FRMD4A: variants seen among roughly 807,000 people sequenced by gnomAD.
The protein encoded by FRMD4A is FERM domain containing 4A.
A neutral mutation model predicts 129.1 loss-of-function variants in FRMD4A; 29 were observed. That is an observed-to-expected ratio of 0.22 (90% CI 0.17 to 0.31). FRMD4A has a LOEUF of 0.31. Among genes scored for constraint, FRMD4A ranks in the 10% least tolerant of loss-of-function variants. The pLI is 1.00. For synonymous variants in FRMD4A, 634 were observed against 571.6 expected (o/e 1.11, Z -1.56); for missense variants, 1,272 against 1,375.8 (o/e 0.92, Z 1.19).
chr10:14,063,005 G>C (rs922868628), intron 2 of FRMD4A, among the ~76,000 whole-genome samples: 1 of 152,162 alleles, frequency 6.6e-6, no homozygotes, highest in African/African-American at 2.4e-5. Context: ...TATCGACGTT[G>C]AATGTTTCCT....
Position 13,820,461 on chromosome 10 carries a change from C to A in FRMD4A, c.112-9553G>T, listed in dbSNP as rs1292512708. ...TCCATGGTGAAGCAGGCCCCTTAAG[C>A]TTCTTCTTGTTAACCTATTCCCTTG... On this transcript the variant is annotated intron_variant, in intron 3 of 24. Transcript: ENST00000357447. Among the ~76,000 whole-genome samples the A allele has an allele frequency of 2.0e-5, 3 of 151,880 alleles. No homozygotes were observed. In the East Asian group the frequency reaches 5.8e-4, roughly 29 times the overall value.
chr10:14,080,269 C>G (rs906003389), intron 2 of FRMD4A, among the ~76,000 whole-genome samples: 1 of 152,154 alleles, frequency 6.6e-6, no homozygotes, highest in African/African-American at 2.4e-5. Context: ...TATTTCCAAA[C>G]AGCCCATTCC....
At chr10:13,982,854 C>G (rs991244849) in intron 2 of FRMD4A, among the ~76,000 whole-genome samples, 1 of 152,194 alleles carries the variant, frequency 6.6e-6, no homozygotes, top group Non-Finnish European at 1.5e-5. Context: ...TAATTTTCAG[C>G]GAACTTTCTG....
chr10:14,223,295 T>C (rs1471515534), intron 2 of FRMD4A, among the ~76,000 whole-genome samples: 2 of 152,200 alleles, frequency 1.3e-5, no homozygotes, highest in Non-Finnish European at 2.9e-5. Context: ...TCCCTCACTG[T>C]GTGAGCAAGG....
intron 3 of FRMD4A, among the ~76,000 whole-genome samples, chr10:13,857,121 G>T (rs572048130): frequency 3.3e-5 from 5 of 152,246 alleles, no homozygotes; most frequent in Admixed American, 1.3e-4. Context: ...GCCTAAAACA[G>T]CCGTAATCTA....
chr10:14,205,779 C>A (rs1842763328), intron 2 of FRMD4A, among the ~76,000 whole-genome samples: 1 of 136,594 alleles, frequency 7.3e-6, no homozygotes, highest in Non-Finnish European at 1.5e-5. Context: ...TGCACTCCAG[C>A]CTGGGCGACA....
intron 2 of FRMD4A, among the ~76,000 whole-genome samples, chr10:14,259,702 A>C (rs1844733979): frequency 6.6e-6 from 1 of 152,192 alleles, no homozygotes; most frequent in Admixed American, 6.5e-5. Flanking sequence ...TTCATTTTGC[A>C]AATTTACATG....
intron 2 of FRMD4A, among the ~76,000 whole-genome samples, chr10:13,989,740 C>T (rs1588690011): frequency 6.6e-6 from 1 of 152,266 alleles, no homozygotes; most frequent in East Asian, 1.9e-4. Flanking sequence ...GAGAGGAAGA[C>T]AAGACAGAGG....
At chr10:13,856,892 C>G (rs1313090091) in intron 3 of FRMD4A, among the ~76,000 whole-genome samples, 1 of 152,116 alleles carries the variant, frequency 6.6e-6, no homozygotes, top group Non-Finnish European at 1.5e-5. Flanking sequence ...TCTAAACCTC[C>G]AAGCTTTGAT....
At chr10:14,139,906 C>T (rs898057564) in intron 2 of FRMD4A, among the ~76,000 whole-genome samples, 2 of 152,082 alleles carry the variant, frequency 1.3e-5, no homozygotes, top group Non-Finnish European at 2.9e-5. Flanking sequence ...CACTACTAGA[C>T]AATTTAGAAA....
intron 2 of FRMD4A, among the ~76,000 whole-genome samples, chr10:14,262,829 A>G (rs1241978939): frequency 6.6e-6 from 1 of 152,246 alleles, no homozygotes; most frequent in Non-Finnish European, 1.5e-5. Flanking sequence ...ACTCAGCATC[A>G]GCACAATGTA....
chr10:14,111,342 C>A (rs531181780), intron 2 of FRMD4A, among the ~76,000 whole-genome samples: 1 of 152,276 alleles, frequency 6.6e-6, no homozygotes, highest in African/African-American at 2.4e-5. Context: ...AATCATGAGT[C>A]TGTCTATGCC....
chr10:14,033,491 G>C (rs896757664), intron 2 of FRMD4A, among the ~76,000 whole-genome samples: 1 of 151,746 alleles, frequency 6.6e-6, no homozygotes, highest in Non-Finnish European at 1.5e-5. Context: ...ATTGGATAAA[G>C]AAAATGTGAT....
rs576142413 is a variant in FRMD4A at position 14,272,511 on chromosome 10, C to T, written c.45+57547G>A. On this transcript the variant is annotated intron_variant, in intron 2 of 24. Coordinates refer to ENST00000357447, the MANE Select transcript of FRMD4A (RefSeq NM_018027.5). ...CAAACCGACCAAGACACTCTCCATC[C>T]TAACACGTCTATTACCAACCTGACA... Among the ~76,000 whole-genome samples the T allele has an allele frequency of 3.6e-3, 545 of 152,326 alleles. 3 individuals carry two copies. The highest frequency in any genetic ancestry group is 5.0e-3 in the Non-Finnish European group (339 of 68,026).
At chr10:14,200,458 A>T (rs1053080265) in intron 2 of FRMD4A, among the ~76,000 whole-genome samples, 1 of 151,834 alleles carries the variant, frequency 6.6e-6, no homozygotes, top group African/African-American at 2.4e-5. Context: ...TTGCAAGGCT[A>T]ATTTTTGTAT....
intron 2 of FRMD4A, among the ~76,000 whole-genome samples, chr10:14,222,641 A>C (rs959376178): frequency 6.6e-6 from 1 of 152,176 alleles, no homozygotes; most frequent in Non-Finnish European, 1.5e-5. Context: ...CGTCCCACTC[A>C]AATTGTGTTT....
intron 2 of FRMD4A, among the ~76,000 whole-genome samples, chr10:14,170,269 G>A (rs532845773): frequency 6.6e-6 from 1 of 152,258 alleles, no homozygotes; most frequent in South Asian, 2.1e-4. Flanking sequence ...CTCTAGCTCT[G>A]TGTGGCTGAC....
intron 2 of FRMD4A, chr10:13,890,712 A>G (rs1043395123): frequency 5.1e-6 from 5 of 985,284 alleles, no homozygotes; most frequent in Non-Finnish European, 6.0e-6. Flanking sequence ...TAGGGGAGCC[A>G]GAGCCGCATC....
chr10:13,749,662 G>A (rs2091470549), intron 8 of FRMD4A, among the ~76,000 whole-genome samples: 1 of 152,100 alleles, frequency 6.6e-6, no homozygotes, highest in African/African-American at 2.4e-5. Context: ...TGACATTAGA[G>A]CACTCCCAGA....
Sources: allele counts gnomAD v4.1 joint callset (sites outside exome capture counted in the v4.1 genomes callset), GRCh38; gene constraint gnomAD v4.1.1; transcripts MANE v1.5; gene names NCBI Gene and HGNC (gene_info 2026-07-23, HGNC 2026-07-21).